The following GYS2 variants were observed in gnomAD, a reference collection of about 807,000 sequenced individuals.
GYS2 encodes glycogen [starch] synthase, liver.
A neutral mutation model predicts 85.6 loss-of-function variants in GYS2; 80 were observed. The observed-to-expected ratio is 0.93, with a 90% confidence interval of 0.78 to 1.13. The LOEUF (loss-of-function observed/expected upper bound fraction) is 1.13, where lower values mean the gene tolerates loss of function less well. Among genes scored for constraint, GYS2 ranks in the 50% most tolerant of loss-of-function variants. GYS2 has a pLI of 0.00. For missense variants in GYS2, 881 were observed against 854.9 expected (o/e 1.03, Z -0.38); for synonymous variants, 328 against 300.7 (o/e 1.09, Z -0.94).
rs1473101664 is a variant in GYS2, at chr12:21,563,295, C to T, written c.874G>A (p.Glu292Lys). Reference sequence around the variant, plus strand: ...TACATGGCATGTAGATTTTGAAACTCATGCACTGCTGAAAATTTCTTAACA... The same window carrying T: ...TACATGGCATGTAGATTTTGAAACTTATGCACTGCTGAAAATTTCTTAACA... ...LNVKKFSAVHEFQNLHAMYKA... is the reference protein window; with the variant it reads ...LNVKKFSAVHKFQNLHAMYKA... The change falls in exon 6 of 16, where the codon GAG (glutamate) becomes AAG (lysine). Residue 292 changes from glutamate to lysine, a missense_variant. Coordinates refer to ENST00000261195, the MANE Select transcript of GYS2 (RefSeq NM_021957.4). 3.1e-6 allele frequency: 5 copies of T among 1,612,630 alleles called. No individual in the cohort carries two copies. The highest frequency in any genetic ancestry group is 4.2e-6 in the Non-Finnish European group (5 of 1,178,844).
chr12:21,579,279 A>G (rs1195665919), intron 2 of GYS2, among the ~76,000 whole-genome samples: 4 of 152,152 alleles, frequency 2.6e-5, no homozygotes, highest in African/African-American at 9.7e-5. Flanking sequence ...AAAATAGACT[A>G]AAATCAGTGT....
Position 21,551,775 on chromosome 12 carries a change from CA to C in GYS2, c.1423-5306del, listed in dbSNP as rs1349355383. 4.0e-5 allele frequency among the ~76,000 whole-genome samples: 6 copies of C among 151,886 alleles called. No homozygotes were observed. The East Asian group carries it at 5.8e-4, about 15-fold the overall frequency. On this transcript the variant is annotated intron_variant, in intron 11 of 15. Coordinates refer to ENST00000261195, the MANE Select transcript of GYS2 (RefSeq NM_021957.4). ...CTATTATGTGCAAAGTAGCTCACTA[CA>C]AAAAAAGACAAAAGACACAGATACT... is the stretch of plus-strand genomic sequence containing the variant.
chr12:21,545,560 A>T (rs571296192), intron 12 of GYS2, among the ~76,000 whole-genome samples: 1 of 152,360 alleles, frequency 6.6e-6, no homozygotes, highest in South Asian at 2.1e-4. Flanking sequence ...ATGTATTTAA[A>T]GTATTTGTTT....
intron 13 of GYS2, 25 bp downstream of exon 13, chr12:21,542,471 A>G (rs1943989730): frequency 2.8e-6 from 4 of 1,453,914 alleles, no homozygotes; most frequent in Non-Finnish European, 2.9e-6. Flanking sequence ...TCTCCCCAGC[A>G]TGGGTTAATG....
At chr12:21,550,738 C>T (rs544644111) in intron 11 of GYS2, among the ~76,000 whole-genome samples, 3 of 152,204 alleles carry the variant, frequency 2.0e-5, no homozygotes, top group Non-Finnish European at 4.4e-5. Context: ...GTCAGGAGTT[C>T]GAGACCAGCC....
chr12:21,580,660 A>T, intron 1 of GYS2, 137 bp from the exon 2 acceptor site: 2 of 728,268 alleles, frequency 2.7e-6, no homozygotes, highest in Admixed American at 2.0e-5. Context: ...CCTTTCAAAA[A>T]TAATAGTATT....
intron 13 of GYS2, among the ~76,000 whole-genome samples, chr12:21,541,292 C>CAAAAAAAAAAA: frequency 9.4e-6 from 1 of 106,258 alleles, no homozygotes; most frequent in Non-Finnish European, 1.8e-5. Flanking sequence ...AAAAAAAAAA[C>CAAAAAAAAAAA]AAAAAACCCA....
intron 4 of GYS2, among the ~76,000 whole-genome samples, chr12:21,573,776 C>T (rs933608858): frequency 6.6e-6 from 1 of 152,214 alleles, no homozygotes; most frequent in African/African-American, 2.4e-5. Context: ...TCTCAATTAT[C>T]TACCTGCCAC....
rs557356306 is a variant in GYS2, at chr12:21,596,844, T to G, written c.121+7628A>C. 2.6e-5 allele frequency among the ~76,000 whole-genome samples: 4 copies of G among 152,152 alleles called. No individual in the cohort carries two copies. In the East Asian group the frequency reaches 7.7e-4, roughly 29 times the overall value. The stretch of plus-strand genomic sequence containing the variant: ...TGCTGATGATATGATCATTTACCTT[T>G]AAAACCCTAAAGACTCCTCCAGAAA... On this transcript the variant is annotated intron_variant, in intron 1 of 15. Transcript: ENST00000261195.
intron 13 of GYS2, 31 bp downstream of exon 13, chr12:21,542,465 C>T (rs1943989617): frequency 1.4e-6 from 2 of 1,395,584 alleles, no homozygotes; most frequent in Admixed American, 1.7e-5. Context: ...GTCATGTCTC[C>T]CCAGCATGGG....
chr12:21,548,548 T>G (rs1944069143), intron 11 of GYS2, among the ~76,000 whole-genome samples: 1 of 152,192 alleles, frequency 6.6e-6, no homozygotes, highest in African/African-American at 2.4e-5. Flanking sequence ...ATTTATATAA[T>G]TTAATTTTAG....
chr12:21,576,214 T>G (rs554836226), intron 2 of GYS2, among the ~76,000 whole-genome samples, 157 bp from the exon 3 acceptor site: 3 of 152,350 alleles, frequency 2.0e-5, no homozygotes, highest in South Asian at 2.1e-4. Flanking sequence ...CTCTGCTGTT[T>G]GAGCCTCAAG....
At chr12:21,593,363 G>A (rs908645369) in intron 1 of GYS2, among the ~76,000 whole-genome samples, 3 of 149,054 alleles carry the variant, frequency 2.0e-5, no homozygotes, top group South Asian at 2.1e-4. Context: ...AATGGATATA[G>A]CTCTAGCTAG....
chr12:21,579,349 C>CTTT (rs58750123), intron 2 of GYS2, among the ~76,000 whole-genome samples: 2 of 88,724 alleles, frequency 2.3e-5, no homozygotes, highest in African/African-American at 8.2e-5. Flanking sequence ...CTTACTTCTT[C>CTTT]TTTTTTTTTT....
At chr12:21,568,841 A>G (rs1359628707) in intron 5 of GYS2, 24 bp downstream of exon 5, 2 of 1,597,672 alleles carry the variant, frequency 1.3e-6, no homozygotes, top group Non-Finnish European at 1.7e-6. Context: ...ACTGAAAGAT[A>G]GGTGATCCAG....
At chr12:21,574,121 G>T in intron 4 of GYS2, 23 bp downstream of exon 4, 2 of 1,557,590 alleles carry the variant, frequency 1.3e-6, no homozygotes, top group South Asian at 1.1e-5. Context: ...GTGAGTAAGA[G>T]GGAGGGAGGA....
intron 5 of GYS2, among the ~76,000 whole-genome samples, chr12:21,565,868 A>C (rs1591794291): frequency 6.6e-6 from 1 of 152,090 alleles, no homozygotes; most frequent in Non-Finnish European, 1.5e-5. Context: ...AAAAACGTTG[A>C]CTAAAGGATG....
intron 11 of GYS2, among the ~76,000 whole-genome samples, chr12:21,548,030 A>T (rs1395598969): frequency 6.6e-6 from 1 of 152,212 alleles, no homozygotes; most frequent in Non-Finnish European, 1.5e-5. Flanking sequence ...TTTTGTATTC[A>T]TAACCAATTT....
At chr12:21,542,927 C>T (rs1440509497) in intron 12 of GYS2, among the ~76,000 whole-genome samples, 2 of 152,226 alleles carry the variant, frequency 1.3e-5, no homozygotes, top group Non-Finnish European at 2.9e-5. Flanking sequence ...CCGGGCTCCA[C>T]TGCAGCTTCA....
Sources: allele counts gnomAD v4.1 joint callset (sites outside exome capture counted in the v4.1 genomes callset), GRCh38; gene constraint gnomAD v4.1.1; transcripts MANE v1.5; gene names NCBI Gene and HGNC (gene_info 2026-07-23, HGNC 2026-07-21).